The following SLC44A5 variants were observed in gnomAD, a reference collection of about 807,000 sequenced individuals.
SLC44A5 encodes the protein choline transporter-like protein 5.
A neutral mutation model predicts 101.8 loss-of-function variants in SLC44A5; 57 were observed. That is an observed-to-expected ratio of 0.56 (90% CI 0.45 to 0.70). The LOEUF (loss-of-function observed/expected upper bound fraction) is 0.70. Among genes scored for constraint, SLC44A5 ranks in the 30% least tolerant of loss-of-function variants. SLC44A5 has a pLI of 0.00. For missense variants in SLC44A5, 737 were observed against 853.1 expected (o/e 0.86, Z 1.70); for synonymous variants, 281 against 290.9 (o/e 0.97, Z 0.35).
chr1:75,417,838 T>C (rs1212444596), intron 2 of SLC44A5, among the ~76,000 whole-genome samples: 1 of 152,236 alleles, frequency 6.6e-6, no homozygotes, highest in African/African-American at 2.4e-5. Context: ...AGGAAGGTTA[T>C]GAACCAACAA....
At chr1:75,607,941 T>C (rs1675423237) in intron 1 of SLC44A5, among the ~76,000 whole-genome samples, 3 of 152,036 alleles carry the variant, frequency 2.0e-5, no homozygotes, top group South Asian at 2.1e-4. Context: ...CTGTATATTA[T>C]GTCCCCAGAA....
At chr1:75,506,907 C>CTTTTTTTTTTTTTTTTTT (rs61554987) in intron 2 of SLC44A5, among the ~76,000 whole-genome samples, 2 of 68,750 alleles carry the variant, frequency 2.9e-5, no homozygotes, top group Non-Finnish European at 2.6e-5. Context: ...TATTCCTATT[C>CTTTTTTTTTTTTTTTTTT]TTTTTTTTTT....
intron 2 of SLC44A5, among the ~76,000 whole-genome samples, chr1:75,498,782 G>C (rs1456817740): frequency 9.9e-5 from 15 of 152,130 alleles, no homozygotes; most frequent in Admixed American, 9.8e-4. Context: ...TTCAAGATGA[G>C]AGAACTCATA....
chr1:75,623,077 G>A, the SLC44A5 span, among the ~76,000 whole-genome samples: 15 of 152,094 alleles, frequency 9.9e-5, no homozygotes, highest in South Asian at 1.7e-3. Context: ...TATGCCAGTC[G>A]TTCTTTTAAG....
intron 2 of SLC44A5, among the ~76,000 whole-genome samples, chr1:75,417,256 T>C (rs139105770): frequency 6.6e-6 from 1 of 152,200 alleles, no homozygotes; most frequent in East Asian, 1.9e-4. Context: ...GTTTTAAAAA[T>C]GAGAGTCTCT....
At chr1:75,286,347 A>G (rs1295136971) in intron 5 of SLC44A5, among the ~76,000 whole-genome samples, 1 of 151,958 alleles carries the variant, frequency 6.6e-6, no homozygotes, top group Non-Finnish European at 1.5e-5. Context: ...CCTTTACCTT[A>G]AGTTCATGTG....
intron 6 of SLC44A5, among the ~76,000 whole-genome samples, chr1:75,255,107 T>A (rs1649908033): frequency 6.6e-6 from 1 of 152,072 alleles, no homozygotes; most frequent in South Asian, 2.1e-4. Context: ...CACAGCCCTG[T>A]CACCCCACAT....
chr1:75,654,939 A>C, the SLC44A5 span, among the ~76,000 whole-genome samples: 1 of 152,160 alleles, frequency 6.6e-6, no homozygotes, highest in African/African-American at 2.4e-5. Context: ...CTTCTTTCCT[A>C]TAAGCCCCTT....
At chr1:75,603,902 T>C (rs1675164979) in intron 1 of SLC44A5, among the ~76,000 whole-genome samples, 1 of 151,978 alleles carries the variant, frequency 6.6e-6, no homozygotes, top group Non-Finnish European at 1.5e-5. Flanking sequence ...TCCTTATAGA[T>C]TCTAGATATT....
chr1:75,605,218 G>T (rs1423320457), intron 1 of SLC44A5, among the ~76,000 whole-genome samples: 2 of 146,722 alleles, frequency 1.4e-5, no homozygotes, highest in African/African-American at 4.8e-5. Context: ...ATTTAAAATT[G>T]CTTCTTTTAA....
intron 4 of SLC44A5, among the ~76,000 whole-genome samples, chr1:75,333,242 T>C (rs576089777): frequency 9.6e-4 from 146 of 152,240 alleles, no homozygotes; most frequent in African/African-American, 3.3e-3. Flanking sequence ...AGTAAATAAT[T>C]GCCCCAAATG....
chr1:75,586,189 A>G (rs1242084671), intron 1 of SLC44A5, among the ~76,000 whole-genome samples: 2 of 152,126 alleles, frequency 1.3e-5, no homozygotes, highest in Non-Finnish European at 2.9e-5. Context: ...AAGGAGAAGT[A>G]AGGGAGAATC....
intron 1 of SLC44A5, among the ~76,000 whole-genome samples, chr1:75,556,877 TAAAG>T (rs1444339297): frequency 7.2e-5 from 11 of 151,746 alleles, no homozygotes; most frequent in Non-Finnish European, 1.6e-4. Context: ...GTAAAATAAA[TAAAG>T]AAAGACGGGT....
intron 5 of SLC44A5, among the ~76,000 whole-genome samples, chr1:75,288,677 C>A (rs1377196676): frequency 6.6e-6 from 1 of 152,210 alleles, no homozygotes; most frequent in Non-Finnish European, 1.5e-5. Context: ...TTAATTTCAG[C>A]TGCTCTTCAA....
intron 3 of SLC44A5, among the ~76,000 whole-genome samples, chr1:75,371,276 A>G (rs1275265709): frequency 1.3e-5 from 2 of 152,216 alleles, no homozygotes; most frequent in Admixed American, 6.5e-5. Flanking sequence ...TTTGTGTTCA[A>G]TTGTTACTGT....
chr1:75,708,977 TCTC>T, the SLC44A5 span, among the ~76,000 whole-genome samples: 3 of 152,194 alleles, frequency 2.0e-5, no homozygotes, highest in Admixed American at 2.0e-4. Context: ...CCTGTCCCAC[TCTC>T]CTCCTTGTTC....
intron 2 of SLC44A5, among the ~76,000 whole-genome samples, chr1:75,475,752 G>A (rs1350531205): frequency 1.3e-5 from 2 of 152,200 alleles, no homozygotes; most frequent in African/African-American, 2.4e-5. Context: ...TAGTATATGT[G>A]TTTAAGAGTG....
At chr1:75,493,048 A>G (rs1668503365) in intron 2 of SLC44A5, among the ~76,000 whole-genome samples, 1 of 152,236 alleles carries the variant, frequency 6.6e-6, no homozygotes, top group Admixed American at 6.5e-5. Flanking sequence ...CATCATGTGA[A>G]GAGTCCTGAA....
At chr1:75,385,159 A>G (rs1399400326) in intron 3 of SLC44A5, among the ~76,000 whole-genome samples, 2 of 150,250 alleles carry the variant, frequency 1.3e-5, no homozygotes, top group Admixed American at 6.6e-5. Flanking sequence ...TAGAAAAGCA[A>G]GAGCAAACAC....
Sources: allele counts gnomAD v4.1 joint callset (sites outside exome capture counted in the v4.1 genomes callset), GRCh38; gene constraint gnomAD v4.1.1; transcripts MANE v1.5; gene names NCBI Gene and HGNC (gene_info 2026-07-23, HGNC 2026-07-21).